The following RBFOX1 variants were observed in gnomAD, a reference collection of about 807,000 sequenced individuals.
RBFOX1 encodes the protein RNA binding protein fox-1 homolog 1.
In RBFOX1, 8 loss-of-function variants were observed where a neutral mutation model predicts 57.7. The ratio of observed to expected loss-of-function variants is 0.14; its 90% CI spans 0.08 to 0.25. The LOEUF (loss-of-function observed/expected upper bound fraction) is 0.25, where lower values mean the gene tolerates loss of function less well. Among genes scored for constraint, RBFOX1 ranks in the 10% least tolerant of loss-of-function variants. The pLI, the probability that RBFOX1 is intolerant of heterozygous loss-of-function variation, is 1.00. For missense variants in RBFOX1, 611 were observed against 548.5 expected, an observed-to-expected ratio of 1.11 and a Z score of -1.14; for synonymous variants, 326 against 222.4, an observed-to-expected ratio of 1.47 and a Z score of -4.15.
chr16:6,954,801 A>G (rs1241770920), intron 3 of RBFOX1, among the ~76,000 whole-genome samples: 1 of 152,180 alleles, frequency 6.6e-6, no homozygotes, highest in Non-Finnish European at 1.5e-5. Context: ...GAAGGCAGGT[A>G]GAAGGGTTCG....
intron 13 of RBFOX1, among the ~76,000 whole-genome samples, chr16:7,670,687 C>A (rs1030213796): frequency 6.6e-6 from 1 of 152,146 alleles, no homozygotes; most frequent in Non-Finnish European, 1.5e-5. Flanking sequence ...CAAATTTAAA[C>A]TGGAAAGGCA....
chr16:6,488,791 G>A (rs2095562000), intron 2 of RBFOX1, among the ~76,000 whole-genome samples: 6 of 152,036 alleles, frequency 3.9e-5, no homozygotes, highest in Admixed American at 3.9e-4. Flanking sequence ...TTTGCGAGAG[G>A]ATGACTCCCT....
At chr16:7,501,834 C>T (rs1427121785) in intron 4 of RBFOX1, among the ~76,000 whole-genome samples, 1 of 152,174 alleles carries the variant, frequency 6.6e-6, no homozygotes, top group Non-Finnish European at 1.5e-5. Flanking sequence ...CCCTATTGCA[C>T]TGTAAATCTC....
intron 1 of RBFOX1, among the ~76,000 whole-genome samples, chr16:6,258,679 T>C (rs1249430716): frequency 1.3e-5 from 2 of 152,192 alleles, no homozygotes; most frequent in Admixed American, 1.3e-4. Flanking sequence ...GCAGGATAAT[T>C]GTTTAAATGT....
chr16:6,096,790 T>C (rs1228472470), intron 1 of RBFOX1, among the ~76,000 whole-genome samples: 1 of 152,250 alleles, frequency 6.6e-6, no homozygotes, highest in African/African-American at 2.4e-5. Flanking sequence ...TTATCTACCC[T>C]GTGTCAAATA....
chr16:7,223,891 C>G (rs909600165), intron 4 of RBFOX1, among the ~76,000 whole-genome samples: 1 of 151,744 alleles, frequency 6.6e-6, no homozygotes, highest in African/African-American at 2.4e-5. Context: ...GGTTGGTGAG[C>G]ATACCTTACA....
chr16:7,074,750 A>C (rs1387671465), intron 4 of RBFOX1, among the ~76,000 whole-genome samples: 1 of 152,230 alleles, frequency 6.6e-6, no homozygotes, highest in Non-Finnish European at 1.5e-5. Flanking sequence ...TATAAGCATA[A>C]GAAAAAATTA....
chr16:5,263,588 T>C (rs1218368599), intron 1 of RBFOX1, among the ~76,000 whole-genome samples: 16 of 151,998 alleles, frequency 1.1e-4, no homozygotes, highest in Non-Finnish European at 7.4e-5. Flanking sequence ...TCCAAGGGAA[T>C]GGGTGATAAA....
At chr16:6,017,501 G>T (rs1338988602), upstream of RBFOX1, among the ~76,000 whole-genome samples, 1 of 151,962 alleles carries the variant, frequency 6.6e-6, no homozygotes, top group East Asian at 1.9e-4. Flanking sequence ...ATCACTGAAG[G>T]ATGAGACTAG....
chr16:6,822,991 G>A (rs555919548), intron 3 of RBFOX1, among the ~76,000 whole-genome samples: 2 of 152,158 alleles, frequency 1.3e-5, no homozygotes, highest in South Asian at 2.1e-4. Flanking sequence ...GCTTCTCAAC[G>A]TGTAGATACT....
chr16:5,574,425 C>CT (rs60015181), intron 2 of RBFOX1, among the ~76,000 whole-genome samples: 116,189 of 144,716 alleles, frequency 0.8, 47,383 homozygotes, highest in East Asian at 0.99. Flanking sequence ...ACTTTTTTTT[C>CT]TTTTTTTTTT....
chr16:7,656,964 A>C (rs576320971), intron 12 of RBFOX1, among the ~76,000 whole-genome samples: 2 of 152,098 alleles, frequency 1.3e-5, no homozygotes, highest in East Asian at 3.9e-4. Context: ...CTCCACCCAC[A>C]CCCCCAGCAA....
intron 3 of RBFOX1, among the ~76,000 whole-genome samples, chr16:6,849,760 C>T (rs147926940): frequency 2.3e-4 from 35 of 152,278 alleles, no homozygotes; most frequent in African/African-American, 7.5e-4. Context: ...CCCTAAGACC[C>T]AGTACAAATG....
intron 4 of RBFOX1, among the ~76,000 whole-genome samples, chr16:7,418,959 C>T (rs767213711): frequency 3.9e-5 from 6 of 152,196 alleles, no homozygotes; most frequent in Middle Eastern, 3.4e-3. Context: ...GGTTGGAGTG[C>T]AGTGGCACAA....
At chr16:6,819,175 C>G (rs1318439982) in intron 3 of RBFOX1, among the ~76,000 whole-genome samples, 1 of 152,148 alleles carries the variant, frequency 6.6e-6, no homozygotes, top group East Asian at 1.9e-4. Flanking sequence ...GCCTTGTACA[C>G]TGGAGTGTCC....
intron 2 of RBFOX1, among the ~76,000 whole-genome samples, chr16:5,567,816 C>T (rs899890461): frequency 6.6e-5 from 10 of 152,256 alleles, no homozygotes; most frequent in African/African-American, 1.7e-4. Context: ...TTGCCAAGCA[C>T]GTCCTGATCA....
At chr16:7,393,477 C>T (rs1169694511) in intron 4 of RBFOX1, among the ~76,000 whole-genome samples, 1 of 152,104 alleles carries the variant, frequency 6.6e-6, no homozygotes, top group Non-Finnish European at 1.5e-5. Flanking sequence ...AATTTTCCTA[C>T]CCCATCTGTC....
At chr16:6,540,600 A>T (rs2153831726) in intron 2 of RBFOX1, among the ~76,000 whole-genome samples, 1 of 113,256 alleles carries the variant, frequency 8.8e-6, no homozygotes, top group Admixed American at 1.2e-4. Flanking sequence ...CAACAGAGCG[A>T]GACTCTGTCT....
intron 4 of RBFOX1, among the ~76,000 whole-genome samples, chr16:5,989,852 A>ACC (rs1567227198): frequency 0.011 from 1,092 of 103,898 alleles, 28 homozygotes; most frequent in African/African-American, 0.036. Flanking sequence ...TAACACACAC[A>ACC]CACACACACA....
Sources: allele counts gnomAD v4.1 joint callset (sites outside exome capture counted in the v4.1 genomes callset), GRCh38; gene constraint gnomAD v4.1.1; transcripts MANE v1.5; gene names NCBI Gene and HGNC (gene_info 2026-07-23, HGNC 2026-07-21).